The following TDRD9 variants were observed in gnomAD, a reference collection of about 807,000 sequenced individuals.
TDRD9 encodes ATP-dependent RNA helicase TDRD9.
In TDRD9, 124 loss-of-function variants were observed where a neutral mutation model predicts 172.6. The ratio of observed to expected loss-of-function variants is 0.72; its 90% CI spans 0.62 to 0.83. The LOEUF (loss-of-function observed/expected upper bound fraction) is 0.83. TDRD9 is among the 40% of genes least tolerant of loss of function. TDRD9 has a pLI of 0.00. For synonymous variants in TDRD9, 619 were observed against 617.1 expected (o/e 1.00, Z -0.05); for missense variants, 1,479 against 1,714.1 (o/e 0.86, Z 2.42).
intron 7 of TDRD9, among the ~76,000 whole-genome samples, chr14:103,978,146 C>T (rs140299510): frequency 6.6e-6 from 1 of 151,698 alleles, no homozygotes; most frequent in African/African-American, 2.4e-5. Context: ...ATTGCTTTGG[C>T]TTGTGAGATC....
At chr14:103,986,359 A>G (rs2033661252) in intron 8 of TDRD9, 39 bp downstream of exon 8, 7 of 1,398,248 alleles carry the variant, frequency 5.0e-6, no homozygotes, top group African/African-American at 1.4e-5. Flanking sequence ...TTTAATGTAT[A>G]TGTGATTTAA....
At chr14:104,010,286 T>C (rs2034573636) in intron 20 of TDRD9, among the ~76,000 whole-genome samples, 1 of 152,130 alleles carries the variant, frequency 6.6e-6, no homozygotes, top group South Asian at 2.1e-4. Flanking sequence ...AGACAGGGTG[T>C]CACTTTGTAG....
chr14:103,937,789 T>C (rs1210623915), intron 1 of TDRD9, among the ~76,000 whole-genome samples: 1 of 152,244 alleles, frequency 6.6e-6, no homozygotes, highest in African/African-American at 2.4e-5. Flanking sequence ...GTTCCTTTCT[T>C]GAATTCTGTT....
intron 1 of TDRD9, chr14:103,941,093 C>A (rs1170519066): frequency 2.6e-6 from 4 of 1,533,032 alleles, no homozygotes; most frequent in Non-Finnish European, 3.5e-6. Flanking sequence ...TCTGCCAAAA[C>A]TTCTCGAAAT....
At chr14:103,977,507 A>C (rs964446965) in intron 7 of TDRD9, among the ~76,000 whole-genome samples, 5 of 150,492 alleles carry the variant, frequency 3.3e-5, no homozygotes, top group Non-Finnish European at 7.4e-5. Context: ...AAAAAAAAAA[A>C]AAAAAAAAAA....
chr14:104,013,626 T>C (rs538157075), intron 20 of TDRD9: 8 of 152,256 alleles, frequency 5.3e-5, no homozygotes, highest in Non-Finnish European at 1.2e-4. Context: ...AATTAATTTC[T>C]AAGAAGATGA....
intron 1 of TDRD9, chr14:103,941,734 C>G (rs895381283): frequency 4.3e-6 from 6 of 1,394,196 alleles, no homozygotes; most frequent in Non-Finnish European, 5.7e-6. Flanking sequence ...TTTATTTGCT[C>G]AAAATGTTAT....
At chr14:103,956,002 C>A (rs974643672) in intron 2 of TDRD9, among the ~76,000 whole-genome samples, 1 of 142,220 alleles carries the variant, frequency 7.0e-6, no homozygotes. Flanking sequence ...CCCAGCTACT[C>A]GGGAGGCTGA....
chr14:103,964,237 T>C (rs946674657), intron 3 of TDRD9, among the ~76,000 whole-genome samples: 3 of 152,140 alleles, frequency 2.0e-5, no homozygotes, highest in Non-Finnish European at 4.4e-5. Flanking sequence ...AGCTAGAGCC[T>C]GTGTCTAAAA....
In TDRD9 at chr14:104,014,711, T is replaced by C. The variant is rs1427001368; in HGVS notation, c.2107-14T>C. ...GTACCTTTGAGACATCAGATTTCAATGTATTTTTCTTAGGTGGCTGAATTA... is the reference window on the plus strand; with the variant it reads ...GTACCTTTGAGACATCAGATTTCAACGTATTTTTCTTAGGTGGCTGAATTA... On this transcript the variant is annotated splice_polypyrimidine_tract_variant and intron_variant, in intron 20 of 35. Transcript: ENST00000409874. The C allele has an allele frequency of 2.1e-6, 3 of 1,452,130 alleles. No homozygotes were observed. The South Asian group carries it at 3.4e-5, about 17-fold the overall frequency. The allele number at this position is 1,452,130 out of a possible 1,614,324, so 90.0% of individuals were successfully genotyped here. A position where few individuals can be genotyped will look rare whatever the true frequency, so the allele number is the denominator to read the frequency against.
At chr14:104,002,923 G>T (rs1359911535) in intron 13 of TDRD9, among the ~76,000 whole-genome samples, 5 of 152,028 alleles carry the variant, frequency 3.3e-5, no homozygotes, top group Non-Finnish European at 5.9e-5. Context: ...TAGAGACAGG[G>T]TTTCACCATG....
intron 13 of TDRD9, 95 bp from the exon 14 acceptor site, chr14:104,004,143 C>A: frequency 1.8e-6 from 1 of 564,178 alleles, no homozygotes. Context: ...TAAGGCTTTG[C>A]TTAATTAATA....
Position 103,947,044 on chromosome 14 carries a change from A to G in TDRD9, c.216-8620A>G, listed in dbSNP as rs552804456. Among the ~76,000 whole-genome samples, 4 of 152,330 alleles carry G rather than the reference A, an allele frequency of 2.6e-5. No homozygotes were observed. In the East Asian group the frequency reaches 5.8e-4, roughly 22 times the overall value. On this transcript the variant is annotated intron_variant, in intron 1 of 35. Transcript: ENST00000409874. ...CATAAATGGAAAAATCCATCCTGAA[A>G]TTCATATGGAATGTCAAGGAACCCT... is the stretch of plus-strand genomic sequence containing the variant.
At chr14:104,019,773 C>T (rs373716168) in intron 23 of TDRD9, among the ~76,000 whole-genome samples, 22 of 152,306 alleles carry the variant, frequency 1.4e-4, no homozygotes, top group African/African-American at 4.1e-4. Flanking sequence ...CTTTCAACTT[C>T]GTGGTAGGAG....
chr14:103,976,507 C>T (rs184651506), intron 7 of TDRD9, among the ~76,000 whole-genome samples: 14 of 152,002 alleles, frequency 9.2e-5, no homozygotes, highest in Admixed American at 2.0e-4. Context: ...ATGATCCGCC[C>T]GCCTCAGCCT....
intron 30 of TDRD9, 142 bp downstream of exon 30, chr14:104,032,229 CAG>C (rs2035305997): frequency 1.7e-6 from 1 of 605,936 alleles, no homozygotes; most frequent in Admixed American, 3.6e-5. Flanking sequence ...TTTTTTGAGA[CAG>C]AGTCTCATTC....
chr14:104,033,968 GGA>G lies in TDRD9; in HGVS notation c.3519_3520del (p.Trp1173CysfsTer2). 2 of 1,548,200 alleles carry G rather than the reference GGA, an allele frequency of 1.3e-6. No individual in the cohort carries two copies. Among genetic ancestry groups the G allele is most frequent in the Non-Finnish European group, 1.7e-6 (2 of 1,143,800 alleles). On this transcript the variant is annotated frameshift_variant, in exon 31 of 36. Transcript: ENST00000409874. LOFTEE classifies it high-confidence loss of function. ...GTGCTCCTGCCTTTTAGGTGTGTTTGGATTGAGAAGGAGAGCATCAACTCTGT... is the reference window on the plus strand; with the variant it reads ...GTGCTCCTGCCTTTTAGGTGTGTTTGTTGAGAAGGAGAGCATCAACTCTGT...
chr14:104,045,073 G>A (rs1421183019), intron 34 of TDRD9, among the ~76,000 whole-genome samples: 2 of 152,080 alleles, frequency 1.3e-5, no homozygotes, highest in Non-Finnish European at 2.9e-5. Context: ...AACCCAGGAG[G>A]CGGAGGTTGC....
intron 1 of TDRD9, among the ~76,000 whole-genome samples, chr14:103,946,545 G>T (rs1287016828): frequency 6.6e-6 from 1 of 152,106 alleles, no homozygotes; most frequent in Non-Finnish European, 1.5e-5. Flanking sequence ...AGAATTTCTA[G>T]CCAGAGCAAT....
Sources: gnomAD v4.1 joint callset for allele counts (sites outside exome capture counted in the v4.1 genomes callset) on GRCh38, gnomAD v4.1.1 for gene constraint, MANE v1.5 for transcripts, NCBI Gene and HGNC (gene_info 2026-07-23, HGNC 2026-07-21) for gene names.